Variants in EIF4G3 observed in about 807,000 individuals in gnomAD.
EIF4G3 encodes the protein eukaryotic translation initiation factor 4 gamma 3.
A neutral mutation model predicts 186.4 loss-of-function variants in EIF4G3; 34 were observed. The ratio of observed to expected loss-of-function variants is 0.18; its 90% CI spans 0.14 to 0.24. The LOEUF is 0.24. EIF4G3 is among the 10% of genes least tolerant of loss of function. The pLI is 1.00. For synonymous variants in EIF4G3, 673 were observed against 679.5 expected, an observed-to-expected ratio of 0.99 and a Z score of 0.15; for missense variants, 1,536 against 1,948.5, an observed-to-expected ratio of 0.79 and a Z score of 3.99.
chr1:21,115,281 T>C (rs2096797027), intron 2 of EIF4G3, among the ~76,000 whole-genome samples: 1 of 152,164 alleles, frequency 6.6e-6, no homozygotes, highest in Non-Finnish European at 1.5e-5. Context: ...CTAATTTCAA[T>C]ATATCTCAGG....
intron 32 of EIF4G3, among the ~76,000 whole-genome samples, chr1:20,827,250 C>A (rs894362922): frequency 6.6e-6 from 1 of 152,168 alleles, no homozygotes; most frequent in African/African-American, 2.4e-5. Flanking sequence ...TCTGTTCCCA[C>A]TTTATAGACT....
In EIF4G3 at chr1:20,904,947, T is replaced by C; in HGVS notation, c.1688A>G (p.Lys563Arg). ...VPAQIAITVP[K>R]TWKKPKDRTR... ...CCGATCTTTTGGTTTCTTCCATGTC[T>C]TTGGTACAGTTATAGCTATTTGAGC... The change falls in exon 15 of 37, where the codon AAG becomes AGG. Residue 563 changes from lysine to arginine, a missense_variant. Physicochemically the swap from Lys to Arg is conservative, Grantham distance 26 (BLOSUM62 2). Transcript: ENST00000602326. 6.2e-7 allele frequency: 1 copy of C among 1,613,968 alleles called. No homozygotes were observed. The highest frequency in any genetic ancestry group is 8.5e-7 in the Non-Finnish European group (1 of 1,179,956).
intron 2 of EIF4G3, among the ~76,000 whole-genome samples, chr1:21,121,441 C>G (rs956234099): frequency 6.6e-6 from 1 of 151,980 alleles, no homozygotes; most frequent in African/African-American, 2.4e-5. Flanking sequence ...AAGAAATATG[C>G]GAACTGAGTA....
intron 13 of EIF4G3, among the ~76,000 whole-genome samples, chr1:20,947,112 CG>C: frequency 6.6e-6 from 1 of 152,178 alleles, no homozygotes; most frequent in African/African-American, 2.4e-5. Flanking sequence ...CTTGGCAGGC[CG>C]TAGCAGGCAG....
At chr1:20,997,573 T>G in intron 7 of EIF4G3, 28 bp downstream of exon 7, 1 of 1,547,952 alleles carries the variant, frequency 6.5e-7, no homozygotes, top group Non-Finnish European at 8.7e-7. Context: ...TAGTTAAGGG[T>G]GATAGTGAAG....
At chr1:21,103,741 G>A (rs1393831018) in intron 2 of EIF4G3, among the ~76,000 whole-genome samples, 2 of 152,122 alleles carry the variant, frequency 1.3e-5, no homozygotes, top group Non-Finnish European at 2.9e-5. Flanking sequence ...CTACTTGGGA[G>A]GCTGAGGCAC....
chr1:20,863,168 G>T (rs1324915925), intron 22 of EIF4G3, among the ~76,000 whole-genome samples: 2 of 151,998 alleles, frequency 1.3e-5, no homozygotes, highest in Admixed American at 1.3e-4. Flanking sequence ...AGCTGGCTTT[G>T]GTCACGTGAT....
chr1:20,827,817 G>A (rs2064009900), intron 31 of EIF4G3, 119 bp from the exon 32 acceptor site: 3 of 553,590 alleles, frequency 5.4e-6, no homozygotes, highest in Admixed American at 2.7e-5. Flanking sequence ...TACTGGGCAA[G>A]CCAAAGCTCC....
At chr1:21,007,539 A>AAAAAAAAAAAAAAAAAAAAC (rs2085589876) in intron 4 of EIF4G3, among the ~76,000 whole-genome samples, 1 of 125,412 alleles carries the variant, frequency 8.0e-6, no homozygotes, top group Admixed American at 8.0e-5. Context: ...AAAAAAAAAC[A>AAAAAAAAAAAAAAAAAAAAC]CACTCAAAAA....
chr1:20,948,369 C>T (rs1422940113), intron 13 of EIF4G3, among the ~76,000 whole-genome samples: 1 of 152,148 alleles, frequency 6.6e-6, no homozygotes, highest in Admixed American at 6.5e-5. Context: ...TCTCCTTTAA[C>T]TCAAAATGTT....
At chr1:21,024,263 A>AG (rs1428263579) in intron 4 of EIF4G3, among the ~76,000 whole-genome samples, 2 of 142,698 alleles carry the variant, frequency 1.4e-5, no homozygotes, top group Non-Finnish European at 3.0e-5. Context: ...CCGGGAGGTG[A>AG]GGGGCGCCTC....
chr1:21,089,282 A>C, intron 2 of EIF4G3, 69 bp from the exon 3 acceptor site: 1 of 701,856 alleles, frequency 1.4e-6, no homozygotes, highest in Admixed American at 2.1e-5. Flanking sequence ...AATTGCAACC[A>C]CAAAATTCCA....
chr1:21,138,514 T>C lies in EIF4G3; in HGVS notation c.-272+37661A>G, dbSNP rs1039807954. Among the ~76,000 whole-genome samples the C allele has an allele frequency of 3.9e-5, 6 of 152,148 alleles. No individual in the cohort carries two copies. The East Asian group carries it at 1.2e-3, about 29-fold the overall frequency. Reference sequence around the variant, plus strand: ...ACCAAACCAAAGGAAATATGAATGATCTTAATTAATATCAAGATGTCCTGT... The same window carrying C: ...ACCAAACCAAAGGAAATATGAATGACCTTAATTAATATCAAGATGTCCTGT... On this transcript the variant is annotated intron_variant, in intron 2 of 36. Coordinates refer to ENST00000602326, the MANE Select transcript of EIF4G3 (RefSeq NM_001391906.1).
At chr1:20,982,985 T>C (rs1422589534) in intron 7 of EIF4G3, among the ~76,000 whole-genome samples, 1 of 152,124 alleles carries the variant, frequency 6.6e-6, no homozygotes, top group Non-Finnish European at 1.5e-5. Context: ...TGCACCAAAA[T>C]AAATAAAGCA....
At chr1:20,997,516 G>T in intron 7 of EIF4G3, 85 bp downstream of exon 7, 3 of 1,278,472 alleles carry the variant, frequency 2.3e-6, no homozygotes, top group Non-Finnish European at 3.3e-6. Context: ...TAGTTCTATG[G>T]GATGGCAGCA....
chr1:21,176,558 A>T (rs1489862404), intron 1 of EIF4G3, among the ~76,000 whole-genome samples, 164 bp downstream of exon 1: 1 of 125,220 alleles, frequency 8.0e-6, no homozygotes, highest in Non-Finnish European at 1.7e-5. Context: ...GGCCGGTCAC[A>T]CACGCCCGAC....
chr1:20,824,266 C>A (rs2063077036), intron 33 of EIF4G3, among the ~76,000 whole-genome samples: 1 of 152,234 alleles, frequency 6.6e-6, no homozygotes, highest in South Asian at 2.1e-4. Flanking sequence ...TTCCAGACTA[C>A]AACCAAAAAG....
intron 10 of EIF4G3, among the ~76,000 whole-genome samples, chr1:20,974,098 A>C (rs1305307589): frequency 6.6e-6 from 1 of 152,180 alleles, no homozygotes; most frequent in Non-Finnish European, 1.5e-5. Context: ...TGGGGCAGAA[A>C]AATCAAGAGT....
intron 12 of EIF4G3, among the ~76,000 whole-genome samples, chr1:20,964,210 C>T (rs534577781): frequency 9.0e-4 from 137 of 152,238 alleles, no homozygotes; most frequent in African/African-American, 3.2e-3. Flanking sequence ...CAGATTATTT[C>T]GTACAATTCC....
Sources: allele counts gnomAD v4.1 joint callset (sites outside exome capture counted in the v4.1 genomes callset), GRCh38; gene constraint gnomAD v4.1.1; transcripts MANE v1.5; gene names NCBI Gene and HGNC (gene_info 2026-07-23, HGNC 2026-07-21).